The following BICC1 variants were observed in gnomAD, a reference collection of about 807,000 sequenced individuals.
The protein encoded by BICC1 is BicC family RNA binding protein 1.
BICC1 carries 43 observed loss-of-function variants against 111.0 expected under a neutral mutation model. That is an observed-to-expected ratio of 0.39 (90% confidence interval 0.30 to 0.50). The LOEUF is 0.50. Among genes scored for constraint, BICC1 ranks in the 20% least tolerant of loss-of-function variants. BICC1 has a pLI of 0.88. For missense variants in BICC1, 1,091 were observed against 1,203.2 expected (o/e 0.91, Z 1.38); for synonymous variants, 467 against 434.4 (o/e 1.07, Z -0.93).
chr10:58,800,792 C>T (rs753743145), intron 13 of BICC1, 98 bp from the exon 14 acceptor site: 1 of 1,209,450 alleles, frequency 8.3e-7, no homozygotes, highest in Non-Finnish European at 1.1e-6. Flanking sequence ...ATCATGTCTC[C>T]ATAGAGTAGG....
chr10:58,656,927 C>G (rs1168428498), intron 2 of BICC1, among the ~76,000 whole-genome samples: 2 of 152,136 alleles, frequency 1.3e-5, no homozygotes, highest in African/African-American at 4.8e-5. Context: ...GTCTCCATGA[C>G]TTAGAAGGTC....
chr10:58,734,482 C>T (rs775554513), intron 3 of BICC1, among the ~76,000 whole-genome samples: 6 of 152,132 alleles, frequency 3.9e-5, no homozygotes, highest in Non-Finnish European at 7.3e-5. Flanking sequence ...CTGCTTACTG[C>T]GTATGTGAAC....
intron 17 of BICC1, among the ~76,000 whole-genome samples, chr10:58,808,193 T>A (rs967060096): frequency 4.6e-5 from 7 of 152,162 alleles, no homozygotes; most frequent in African/African-American, 1.7e-4. Context: ...GGCTGTGTTT[T>A]AAAGATTGAA....
At chr10:58,699,165 T>C (rs935398749) in intron 2 of BICC1, among the ~76,000 whole-genome samples, 3 of 152,254 alleles carry the variant, frequency 2.0e-5, no homozygotes, top group African/African-American at 7.2e-5. Context: ...CATAGAACTT[T>C]AGAGGTCGTG....
At position 58,829,236 on chromosome 10, in the gene BICC1, G is replaced by C. The variant is rs1012529873; in HGVS notation, c.*345G>C. 3 of 126,876 alleles carry C rather than the reference G, an allele frequency of 2.4e-5. No individual in the cohort carries two copies. Among genetic ancestry groups the C allele is most frequent in the Non-Finnish European group, 4.5e-5 (3 of 66,510 alleles). The allele number at this position is 126,876 out of a possible 1,614,324, so 7.9% of individuals were successfully genotyped here. A position where few individuals can be genotyped will look rare whatever the true frequency, so the allele number is the denominator to read the frequency against. The stretch of plus-strand genomic sequence containing the variant: ...TTTTTTTTTTTTACTTAAAATGAAG[G>C]ATGAATTGACATCTGGGATGCCAGA... On this transcript the variant is annotated 3_prime_UTR_variant, in exon 21 of 21. Coordinates refer to ENST00000373886, the MANE Select transcript of BICC1 (RefSeq NM_001080512.3).
chr10:58,801,350 T>G (rs963351168), intron 14 of BICC1, among the ~76,000 whole-genome samples: 1 of 152,170 alleles, frequency 6.6e-6, no homozygotes, highest in Non-Finnish European at 1.5e-5. Context: ...GCCATTTTTA[T>G]TCTCTGATTT....
intron 3 of BICC1, among the ~76,000 whole-genome samples, chr10:58,759,258 C>A (rs1315078140): frequency 6.6e-6 from 1 of 151,916 alleles, no homozygotes; most frequent in African/African-American, 2.4e-5. Flanking sequence ...CCACACCTGG[C>A]CTGATCATTA....
intron 1 of BICC1, among the ~76,000 whole-genome samples, chr10:58,552,975 C>G (rs1257674908): frequency 6.6e-6 from 1 of 152,130 alleles, no homozygotes; most frequent in Non-Finnish European, 1.5e-5. Flanking sequence ...TTTTATTCAT[C>G]TGCCTTTGTT....
At chr10:58,512,329 G>T (rs984395391), upstream of BICC1, among the ~76,000 whole-genome samples, 8 of 152,156 alleles carry the variant, frequency 5.3e-5, no homozygotes, top group African/African-American at 1.9e-4. Context: ...CGAAAGACGG[G>T]CATGATTTCT....
intron 2 of BICC1, among the ~76,000 whole-genome samples, chr10:58,635,797 C>T (rs539293871): frequency 1.9e-4 from 29 of 152,268 alleles, no homozygotes; most frequent in Non-Finnish European, 3.1e-4. Flanking sequence ...ACTCTAACAG[C>T]GATACATAAA....
intron 2 of BICC1, among the ~76,000 whole-genome samples, chr10:58,700,638 T>A (rs1056452826): frequency 4.6e-5 from 7 of 152,054 alleles, no homozygotes; most frequent in Non-Finnish European, 5.9e-5. Flanking sequence ...TGTAGAGAAA[T>A]ATTGCTCTGA....
At chr10:58,645,782 G>C (rs1381169345) in intron 2 of BICC1, among the ~76,000 whole-genome samples, 1 of 152,224 alleles carries the variant, frequency 6.6e-6, no homozygotes, top group Non-Finnish European at 1.5e-5. Context: ...CAGATCATTT[G>C]AACTGCCTTG....
intron 3 of BICC1, among the ~76,000 whole-genome samples, chr10:58,715,339 G>GT (rs1316162115): frequency 1.3e-5 from 2 of 152,168 alleles, no homozygotes; most frequent in Non-Finnish European, 2.9e-5. Flanking sequence ...GCATATGCGT[G>GT]TTTTTGGCTC....
intron 2 of BICC1, among the ~76,000 whole-genome samples, chr10:58,647,821 C>T (rs1164213120): frequency 6.6e-6 from 1 of 152,004 alleles, no homozygotes; most frequent in East Asian, 1.9e-4. Context: ...GGAAGCATGG[C>T]TCTGCAAACA....
At chr10:58,796,724 T>C (rs541413814) in intron 10 of BICC1, among the ~76,000 whole-genome samples, 198 bp downstream of exon 10, 2 of 152,198 alleles carry the variant, frequency 1.3e-5, no homozygotes, top group African/African-American at 4.8e-5. Flanking sequence ...CCCAGATTCT[T>C]CCCATGTTTG....
intron 1 of BICC1, among the ~76,000 whole-genome samples, chr10:58,596,697 A>T (rs1355444234): frequency 4.6e-5 from 7 of 152,222 alleles, no homozygotes. Flanking sequence ...CCGATAAGCA[A>T]CTTCAGCAAA....
At chr10:58,615,652 G>T (rs1380537108) in intron 1 of BICC1, among the ~76,000 whole-genome samples, 1 of 152,052 alleles carries the variant, frequency 6.6e-6, no homozygotes, top group African/African-American at 2.4e-5. Flanking sequence ...CCACTCCTCA[G>T]TCCTCAGCTT....
At chr10:58,788,723 C>T (rs942201605) in intron 6 of BICC1, among the ~76,000 whole-genome samples, 4 of 152,010 alleles carry the variant, frequency 2.6e-5, no homozygotes, top group Non-Finnish European at 5.9e-5. Context: ...ATAAAGAGGC[C>T]TAAGGAAAAA....
chr10:58,614,170 T>C (rs982051830), intron 1 of BICC1, among the ~76,000 whole-genome samples: 1 of 152,176 alleles, frequency 6.6e-6, no homozygotes, highest in Non-Finnish European at 1.5e-5. Context: ...AGAAGACTTT[T>C]AGTGAAATGT....
Sources: allele counts gnomAD v4.1 joint callset (sites outside exome capture counted in the v4.1 genomes callset), GRCh38; gene constraint gnomAD v4.1.1; transcripts MANE v1.5; gene names NCBI Gene and HGNC (gene_info 2026-07-23, HGNC 2026-07-21).